The following ABHD17B variants were observed in gnomAD, a reference collection of about 807,000 sequenced individuals.
ABHD17B encodes alpha/beta hydrolase domain-containing protein 17B.
ABHD17B carries 9 observed loss-of-function variants against 26.2 expected under a neutral mutation model. The ratio of observed to expected loss-of-function variants is 0.34; its 90% CI spans 0.21 to 0.60. ABHD17B has a LOEUF of 0.60. ABHD17B is among the 20% of genes least tolerant of loss of function. The pLI is 0.80. For synonymous variants in ABHD17B, 127 were observed against 122.3 expected, an observed-to-expected ratio of 1.04 and a Z score of -0.25; for missense variants, 224 against 352.1, an observed-to-expected ratio of 0.64 and a Z score of 2.91.
In ABHD17B at chr9:71,910,708, C is replaced by T. The variant is rs1323841705; in HGVS notation, c.-78G>A. 4 of 152,254 alleles carry T rather than the reference C, an allele frequency of 2.6e-5. No individual in the cohort carries two copies. The highest frequency in any genetic ancestry group is 9.7e-5 in the African/African-American group (4 of 41,446). The allele number at this position is 152,254 out of a possible 1,614,324, so 9.4% of individuals were successfully genotyped here. A position where few individuals can be genotyped will look rare whatever the true frequency, so the allele number is the denominator to read the frequency against. On this transcript the variant is annotated 5_prime_UTR_variant, in exon 1 of 4. Transcript: ENST00000333421. ...AGAACCGCAGCCGACGCGCTGTCCT[C>T]CACAAGGCGAGATCCGCGCTCCGGG... is the stretch of plus-strand genomic sequence containing the variant.
chr9:71,874,970 C>A lies in ABHD17B; in HGVS notation c.111G>T (p.Leu37=). 2 of 1,614,180 alleles carry A rather than the reference C, an allele frequency of 1.2e-6. No individual in the cohort carries two copies. Among genetic ancestry groups the A allele is most frequent in the Non-Finnish European group, 1.7e-6 (2 of 1,180,014 alleles). Residue 37 remains leucine, a synonymous_variant, in exon 2 of 4, where the codon CTG becomes CTT. Transcript: ENST00000333421. ...AACGGCTTCCGCTTTCATCACACAT[C>A]AGTGTGTAAGTTGGATCAGGTGGCA... ...AFLPPDPTYT[L]MCDESGSRWT...
Position 71,865,348 on chromosome 9 carries a change from T to G in ABHD17B, c.*1439A>C. The G allele has an allele frequency of 1.1e-5, 11 of 983,186 alleles. No individual in the cohort carries two copies. Among genetic ancestry groups the G allele is most frequent in the Non-Finnish European group, 1.3e-5 (11 of 827,512 alleles). 60.9% of individuals were successfully genotyped at this position (983,186 alleles called of 1,614,324 possible). On this transcript the variant is annotated 3_prime_UTR_variant, in exon 4 of 4. Transcript: ENST00000333421. ...ATTTCCATATTCATTCATTTACAAA[T>G]TAGACTACATACCATTAATTTTATT...
intron 1 of ABHD17B, among the ~76,000 whole-genome samples, chr9:71,881,673 G>A (rs1211210108): frequency 6.6e-6 from 1 of 152,150 alleles, no homozygotes; most frequent in Non-Finnish European, 1.5e-5. Flanking sequence ...GGATCATGAG[G>A]TCAGGAGATC....
chr9:71,881,653 C>T (rs761252414), intron 1 of ABHD17B, among the ~76,000 whole-genome samples: 19 of 152,220 alleles, frequency 1.2e-4, no homozygotes, highest in South Asian at 6.2e-4. Context: ...TTCGGAAGGC[C>T]GAGGCGGACG....
At chr9:71,905,971 T>G (rs186143133) in intron 1 of ABHD17B, among the ~76,000 whole-genome samples, 1 of 152,156 alleles carries the variant, frequency 6.6e-6, no homozygotes, top group East Asian at 1.9e-4. Context: ...TGTTTGAGCT[T>G]GGCGGGGGTC....
rs144958199 is a variant in ABHD17B at position 71,897,389 on chromosome 9, C to T, written c.-4+13245G>A. 9.4e-3 allele frequency among the ~76,000 whole-genome samples: 1,427 copies of T among 152,254 alleles called. 23 individuals carry two copies. The highest frequency in any genetic ancestry group is 0.032 in the African/African-American group (1,316 of 41,550). On this transcript the variant is annotated intron_variant, in intron 1 of 3. Transcript: ENST00000333421. ...AAAATTAGCTGGGTGTGGTGGCACA[C>T]GCCTGTGGTCCCAGCTACTCAGGAG...
chr9:71,894,087 C>CAAAAAAAAAAAAAAAAAAAA (rs1180729763), intron 1 of ABHD17B, among the ~76,000 whole-genome samples: 3 of 52,324 alleles, frequency 5.7e-5, no homozygotes, highest in African/African-American at 2.6e-4. Flanking sequence ...GACTCTATCT[C>CAAAAAAAAAAAAAAAAAAAA]AAAAAAAAAA....
intron 1 of ABHD17B, among the ~76,000 whole-genome samples, chr9:71,892,742 G>A (rs1402537532): frequency 6.6e-6 from 1 of 151,684 alleles, no homozygotes; most frequent in African/African-American, 2.4e-5. Flanking sequence ...TTTCCAAAAT[G>A]AGTGGTTTTT....
intron 3 of ABHD17B, among the ~76,000 whole-genome samples, chr9:71,868,627 C>T (rs1826024629): frequency 6.6e-6 from 1 of 152,160 alleles, no homozygotes; most frequent in Non-Finnish European, 1.5e-5. Context: ...GAAAGATGTT[C>T]AGCGGTAGAG....
At chr9:71,883,700 G>A (rs2132161656) in intron 1 of ABHD17B, among the ~76,000 whole-genome samples, 1 of 152,342 alleles carries the variant, frequency 6.6e-6, no homozygotes, top group Non-Finnish European at 1.5e-5. Flanking sequence ...ACTTTGGGAG[G>A]ACAAGGCAGG....
Position 71,875,144 on chromosome 9 carries a change from A to G in ABHD17B, c.-3-61T>C. ...ACTGAATGTAGACTCATACAATAAA[A>G]AGTTAAAACACAGACATGGGTAAAT... is the stretch of plus-strand genomic sequence containing the variant. On this transcript the variant is annotated intron_variant, in intron 1 of 3. Transcript: ENST00000333421. 7 of 1,311,026 alleles carry G rather than the reference A, an allele frequency of 5.3e-6. No individual in the cohort carries two copies. In the Admixed American group the frequency reaches 1.4e-4, roughly 26 times the overall value. The allele number at this position is 1,311,026 out of a possible 1,614,324, so 81.2% of individuals were successfully genotyped here.
At chr9:71,893,431 G>A (rs1180610573) in intron 1 of ABHD17B, among the ~76,000 whole-genome samples, 2 of 152,136 alleles carry the variant, frequency 1.3e-5, no homozygotes, top group Non-Finnish European at 2.9e-5. Flanking sequence ...TTAGAGCGAC[G>A]CACAGAACTC....
chr9:71,883,723 G>A (rs1454058696), intron 1 of ABHD17B, among the ~76,000 whole-genome samples: 3 of 152,178 alleles, frequency 2.0e-5, no homozygotes, highest in Non-Finnish European at 4.4e-5. Context: ...GATCACCTGA[G>A]GTCAGGAGTT....
intron 1 of ABHD17B, among the ~76,000 whole-genome samples, chr9:71,889,828 C>T (rs1826728070): frequency 6.6e-6 from 1 of 152,256 alleles, no homozygotes; most frequent in South Asian, 2.1e-4. Context: ...AGTCTCTTCC[C>T]TAATCCCAAC....
intron 1 of ABHD17B, among the ~76,000 whole-genome samples, chr9:71,895,543 T>C (rs140620318): frequency 7.6e-4 from 116 of 152,322 alleles, no homozygotes; most frequent in African/African-American, 2.6e-3. Flanking sequence ...TGACCCAGTA[T>C]AGATTTTTAA....
chr9:71,864,730 C>A (rs994971374), downstream of ABHD17B, among the ~76,000 whole-genome samples: 1 of 152,160 alleles, frequency 6.6e-6, no homozygotes, highest in African/African-American at 2.4e-5. Flanking sequence ...TGTTACAATA[C>A]CTTACAAATC....
chr9:71,908,460 G>C (rs1236458442), intron 1 of ABHD17B, among the ~76,000 whole-genome samples: 1 of 150,934 alleles, frequency 6.6e-6, no homozygotes, highest in African/African-American at 2.4e-5. Flanking sequence ...GGCTGGATTC[G>C]ACAGGCAAAT....
chr9:71,891,037 C>A (rs939264135), intron 1 of ABHD17B, among the ~76,000 whole-genome samples: 1 of 152,100 alleles, frequency 6.6e-6, no homozygotes, highest in Non-Finnish European at 1.5e-5. Flanking sequence ...CACTACCCCC[C>A]ACCCCCTTAC....
chr9:71,881,568 T>C (rs1458355028), intron 1 of ABHD17B, among the ~76,000 whole-genome samples: 1 of 151,716 alleles, frequency 6.6e-6, no homozygotes, highest in African/African-American at 2.4e-5. Context: ...TGTGAGAAAA[T>C]ACAAATAACC....
Sources: allele counts gnomAD v4.1 joint callset (sites outside exome capture counted in the v4.1 genomes callset), GRCh38; gene constraint gnomAD v4.1.1; transcripts MANE v1.5; gene names NCBI Gene and HGNC (gene_info 2026-07-23, HGNC 2026-07-21).